Variants in CFAP299 observed in about 807,000 individuals in gnomAD.
The protein encoded by CFAP299 is cilia and flagella associated protein 299, also known as cilia- and flagella-associated protein 299.
CFAP299 carries 21 observed loss-of-function variants against 27.0 expected under a neutral mutation model. The observed-to-expected ratio is 0.78, with a 90% confidence interval of 0.55 to 1.12. The LOEUF is 1.12. Ranked by LOEUF, CFAP299 falls within the 50% of genes most tolerant of loss-of-function variation. CFAP299 has a pLI of 0.00. For missense variants in CFAP299, 310 were observed against 276.6 expected (o/e 1.12, Z -0.86); for synonymous variants, 104 against 98.1 (o/e 1.06, Z -0.36).
chr4:80,534,327 A>T (rs1733621971), intron 2 of CFAP299, among the ~76,000 whole-genome samples: 1 of 151,530 alleles, frequency 6.6e-6, no homozygotes, highest in African/African-American at 2.4e-5. Context: ...AAAAAAAAAA[A>T]AAAAACAACC....
chr4:80,776,199 A>G (rs1448995306), intron 3 of CFAP299, among the ~76,000 whole-genome samples: 1 of 152,150 alleles, frequency 6.6e-6, no homozygotes, highest in African/African-American at 2.4e-5. Context: ...ATACAAGTAT[A>G]TCATGCTAAT....
chr4:80,693,036 G>A (rs533553912), intron 3 of CFAP299, among the ~76,000 whole-genome samples: 1 of 152,258 alleles, frequency 6.6e-6, no homozygotes, highest in Non-Finnish European at 1.5e-5. Flanking sequence ...TCATTAAAAA[G>A]TCAGGAAACA....
At chr4:80,609,962 A>C (rs1222120891) in intron 3 of CFAP299, among the ~76,000 whole-genome samples, 2 of 152,112 alleles carry the variant, frequency 1.3e-5, no homozygotes, top group East Asian at 3.8e-4. Flanking sequence ...TAATAGGCCT[A>C]TCCTTATCCA....
At chr4:80,489,986 T>C (rs1303146280) in intron 2 of CFAP299, among the ~76,000 whole-genome samples, 1 of 152,194 alleles carries the variant, frequency 6.6e-6, no homozygotes, top group African/African-American at 2.4e-5. Context: ...CGTGTCAAAT[T>C]AGGTATCTGG....
At position 80,591,104 on chromosome 4, in the gene CFAP299, A is replaced by ATTTTTTTTTTTTTTTTTTTTTTTTT. The variant is rs1339201630; in HGVS notation, c.333+7921_333+7922insTTTTTTTTTTTTTTTTTTTTTTTTT. Reference sequence around the variant, plus strand: ...AGAAACAGATTATAATACTTTAGGAAATTTTTTTTTTTTTTTTTTTTTTTT... The same window carrying ATTTTTTTTTTTTTTTTTTTTTTTTT: ...AGAAACAGATTATAATACTTTAGGAATTTTTTTTTTTTTTTTTTTTTTTTTATTTTTTTTTTTTTTTTTTTTTTTT... On this transcript the variant is annotated intron_variant, in intron 3 of 5. Coordinates refer to ENST00000358105, the MANE Select transcript of CFAP299 (RefSeq NM_152770.3). 7.7e-5 allele frequency among the ~76,000 whole-genome samples: 9 copies of ATTTTTTTTTTTTTTTTTTTTTTTTT among 116,498 alleles called. 2 individuals are homozygous for ATTTTTTTTTTTTTTTTTTTTTTTTT. Among genetic ancestry groups the ATTTTTTTTTTTTTTTTTTTTTTTTT allele is most frequent in the Admixed American group, 4.6e-4 (5 of 10,842 alleles). The allele number at this position is 116,498 out of a possible 152,430, so 76.4% of individuals were successfully genotyped here.
intron 3 of CFAP299, among the ~76,000 whole-genome samples, chr4:80,634,228 C>T (rs191606442): frequency 3.9e-5 from 6 of 152,094 alleles, no homozygotes; most frequent in Admixed American, 6.5e-5. Flanking sequence ...ATGATCTGCC[C>T]GCCTCGGCCT....
At chr4:80,426,155 G>C (rs1409119014) in intron 2 of CFAP299, among the ~76,000 whole-genome samples, 1 of 151,076 alleles carries the variant, frequency 6.6e-6, no homozygotes, top group Non-Finnish European at 1.5e-5. Flanking sequence ...GACTTTAAAA[G>C]ACAGTCTGAC....
rs550450922 is a variant in CFAP299 at position 80,480,091 on chromosome 4, T to A, written c.243-103002T>A. On this transcript the variant is annotated intron_variant, in intron 2 of 5. Coordinates refer to ENST00000358105, the MANE Select transcript of CFAP299 (RefSeq NM_152770.3). ...CCTTATGTACCAGTGCATTTTTTTT[T>A]AAAAAAGTTGATTTAAAACCTTTTA... Among the ~76,000 whole-genome samples the A allele has an allele frequency of 8.0e-3, 1,222 of 152,018 alleles. 9 individuals are homozygous for A. Among genetic ancestry groups the A allele is most frequent in the Middle Eastern group, 0.017 (5 of 294 alleles).
intron 2 of CFAP299, among the ~76,000 whole-genome samples, chr4:80,562,259 A>T (rs1735068825): frequency 6.6e-6 from 1 of 152,108 alleles, no homozygotes; most frequent in African/African-American, 2.4e-5. Context: ...CAAAATAACC[A>T]TAAAACAAAT....
chr4:80,440,172 C>T (rs1318897779), intron 2 of CFAP299, among the ~76,000 whole-genome samples: 1 of 152,168 alleles, frequency 6.6e-6, no homozygotes, highest in South Asian at 2.1e-4. Context: ...AAAAGAGCAG[C>T]GGATCTCTCA....
intron 3 of CFAP299, among the ~76,000 whole-genome samples, chr4:80,735,550 C>T (rs1723806357): frequency 6.6e-6 from 1 of 152,052 alleles, no homozygotes; most frequent in Non-Finnish European, 1.5e-5. Flanking sequence ...TTTGTCTATT[C>T]AATAAGATAC....
chr4:80,491,734 C>G (rs1410785494), intron 2 of CFAP299, among the ~76,000 whole-genome samples: 1 of 152,004 alleles, frequency 6.6e-6, no homozygotes, highest in Non-Finnish European at 1.5e-5. Context: ...GATTTACTTT[C>G]CAGACTGACT....
chr4:80,418,534 G>T (rs1727132039), intron 2 of CFAP299, among the ~76,000 whole-genome samples: 2 of 151,854 alleles, frequency 1.3e-5, no homozygotes, highest in Non-Finnish European at 2.9e-5. Flanking sequence ...GAAATGTACA[G>T]AACTCGATTA....
At chr4:80,884,296 T>A (rs1026518785) in intron 4 of CFAP299, among the ~76,000 whole-genome samples, 5 of 152,200 alleles carry the variant, frequency 3.3e-5, no homozygotes, top group Non-Finnish European at 5.9e-5. Flanking sequence ...ATAAATTTTT[T>A]AAAATTGGAT....
intron 3 of CFAP299, among the ~76,000 whole-genome samples, chr4:80,793,099 A>ATG (rs149555055): frequency 0.12 from 17,327 of 145,106 alleles, 1,477 homozygotes; most frequent in African/African-American, 0.24. Context: ...CCTATTAGTT[A>ATG]TGTGTGTGTG....
intron 2 of CFAP299, among the ~76,000 whole-genome samples, chr4:80,464,650 A>G (rs1729619811): frequency 1.3e-5 from 2 of 152,204 alleles, no homozygotes; most frequent in South Asian, 4.1e-4. Context: ...AGATAAAGTT[A>G]GTAGTATTAA....
At chr4:80,579,757 A>G (rs1736071832) in intron 2 of CFAP299, among the ~76,000 whole-genome samples, 1 of 152,098 alleles carries the variant, frequency 6.6e-6, no homozygotes, top group African/African-American at 2.4e-5. Context: ...TGAAAAACTG[A>G]CCACATGATA....
At chr4:80,788,387 T>C (rs1474799868) in intron 3 of CFAP299, among the ~76,000 whole-genome samples, 2 of 152,050 alleles carry the variant, frequency 1.3e-5, no homozygotes, top group Non-Finnish European at 2.9e-5. Context: ...AACTGTTGGA[T>C]AACTTGGGTA....
intron 4 of CFAP299, among the ~76,000 whole-genome samples, chr4:80,890,685 A>G (rs1420076509): frequency 8.0e-5 from 12 of 150,358 alleles, no homozygotes; most frequent in Non-Finnish European, 1.5e-4. Flanking sequence ...CAACAGTGTA[A>G]AAGTGTTCCT....
Sources: gnomAD v4.1 joint callset for allele counts (sites outside exome capture counted in the v4.1 genomes callset) on GRCh38, gnomAD v4.1.1 for gene constraint, MANE v1.5 for transcripts, NCBI Gene and HGNC (gene_info 2026-07-23, HGNC 2026-07-21) for gene names.